The following CACNA1C variants were observed in gnomAD, a reference collection of about 807,000 sequenced individuals.
CACNA1C encodes voltage-dependent L-type calcium channel subunit alpha-1C.
Under a neutral mutation model 229.0 loss-of-function variants are expected in CACNA1C, and 30 were observed. The ratio of observed to expected loss-of-function variants is 0.13; its 90% CI spans 0.10 to 0.18. The LOEUF is 0.18. Ranked by LOEUF, CACNA1C falls within the 10% of genes least tolerant of loss-of-function variation. The pLI, the probability that CACNA1C is intolerant of heterozygous loss-of-function variation, is 1.00. For missense variants in CACNA1C, 1,658 were observed against 2,845.0 expected (o/e 0.58, Z 9.49); for synonymous variants, 1,114 against 1,132.5 (o/e 0.98, Z 0.33).
intron 7 of CACNA1C, among the ~76,000 whole-genome samples, chr12:2,500,014 A>G (rs939648188): frequency 2.0e-5 from 3 of 149,704 alleles, no homozygotes; most frequent in Non-Finnish European, 4.5e-5. Context: ...TTCCTTTCAG[A>G]CCAGAGCCAG....
chr12:2,418,861 G>T (rs915475462), intron 3 of CACNA1C, among the ~76,000 whole-genome samples: 1 of 152,152 alleles, frequency 6.6e-6, no homozygotes, highest in South Asian at 2.1e-4. Flanking sequence ...CAGCTCCACT[G>T]CTTGTAGAGG....
intron 11 of CACNA1C, among the ~76,000 whole-genome samples, chr12:2,565,282 C>T (rs1282853345): frequency 1.3e-5 from 2 of 151,580 alleles, no homozygotes; most frequent in Non-Finnish European, 2.9e-5. Flanking sequence ...TCCTGGCTAA[C>T]AAGGTGAAAC....
At chr12:2,156,280 A>G (rs2095550225) in intron 3 of CACNA1C, among the ~76,000 whole-genome samples, 1 of 152,252 alleles carries the variant, frequency 6.6e-6, no homozygotes, top group South Asian at 2.1e-4. Context: ...AAAATATGTC[A>G]TATGTACCTT....
intron 3 of CACNA1C, among the ~76,000 whole-genome samples, chr12:2,417,401 G>A (rs966789652): frequency 6.6e-5 from 10 of 152,188 alleles, no homozygotes; most frequent in Non-Finnish European, 1.5e-4. Flanking sequence ...GGCTGACAGT[G>A]CTTGTGGGTG....
chr12:2,525,982 G>C (rs934048065), intron 9 of CACNA1C, among the ~76,000 whole-genome samples: 5 of 152,164 alleles, frequency 3.3e-5, no homozygotes, highest in Non-Finnish European at 7.3e-5. Context: ...TGAAAAGGGT[G>C]GTCTGTTGGG....
At chr12:2,344,191 T>G (rs2096940439) in intron 3 of CACNA1C, among the ~76,000 whole-genome samples, 1 of 152,204 alleles carries the variant, frequency 6.6e-6, no homozygotes, top group Non-Finnish European at 1.5e-5. Flanking sequence ...CATCATGCTT[T>G]TAAGGCCGAT....
intron 3 of CACNA1C, among the ~76,000 whole-genome samples, chr12:2,435,537 G>A (rs946425728): frequency 3.3e-5 from 5 of 152,162 alleles, no homozygotes; most frequent in Admixed American, 2.0e-4. Context: ...CACATGGTCC[G>A]GGCAGGGGGA....
chr12:1,974,049 C>T (rs2033470888), intron 1 of CACNA1C, among the ~76,000 whole-genome samples: 1 of 152,146 alleles, frequency 6.6e-6, no homozygotes, highest in Admixed American at 6.5e-5. Context: ...CTGTTCCCTC[C>T]ACTAGACTAT....
chr12:2,383,322 G>A (rs955554849), intron 3 of CACNA1C, among the ~76,000 whole-genome samples: 4 of 152,156 alleles, frequency 2.6e-5, no homozygotes, highest in African/African-American at 9.6e-5. Flanking sequence ...TAGGGGCCTG[G>A]AATTTCCCCC....
chr12:2,637,782 T>C (rs777862938), intron 30 of CACNA1C, among the ~76,000 whole-genome samples: 14 of 152,212 alleles, frequency 9.2e-5, no homozygotes, highest in Non-Finnish European at 1.8e-4. Context: ...AAGACATATA[T>C]TCCCAGGGAT....
At chr12:2,446,223 ATGGATGGATGGG>A (rs2099277238) in intron 3 of CACNA1C, among the ~76,000 whole-genome samples, 1 of 138,736 alleles carries the variant, frequency 7.2e-6, no homozygotes, top group African/African-American at 2.7e-5. Flanking sequence ...GGATGGATGG[ATGGATGGATGGG>A]TAGGTGGGTG....
chr12:2,143,038 C>T (rs1341530799), intron 3 of CACNA1C, among the ~76,000 whole-genome samples: 1 of 150,548 alleles, frequency 6.6e-6, no homozygotes, highest in African/African-American at 2.4e-5. Flanking sequence ...TGCAATGGTG[C>T]TATCTTGGCT....
intron 1 of CACNA1C, among the ~76,000 whole-genome samples, chr12:2,068,481 C>T (rs1448020114): frequency 6.6e-6 from 1 of 152,196 alleles, no homozygotes. Flanking sequence ...GGCCAGAGCC[C>T]CTGCATCCAT....
At chr12:2,048,112 C>T (rs994000396), upstream of CACNA1C, among the ~76,000 whole-genome samples, 7 of 152,170 alleles carry the variant, frequency 4.6e-5, no homozygotes, top group Non-Finnish European at 7.3e-5. Flanking sequence ...TGACAATGAG[C>T]GCATGCTGCT....
intron 3 of CACNA1C, among the ~76,000 whole-genome samples, chr12:2,239,049 G>A (rs1375476666): frequency 1.3e-5 from 2 of 152,192 alleles, no homozygotes; most frequent in African/African-American, 4.8e-5. Flanking sequence ...TTTAGCTAGC[G>A]TCATGCCTGT....
At chr12:2,408,004 T>A (rs1352068340) in intron 3 of CACNA1C, among the ~76,000 whole-genome samples, 1 of 152,222 alleles carries the variant, frequency 6.6e-6, no homozygotes, top group African/African-American at 2.4e-5. Context: ...ACGTCCATCC[T>A]CATCAGGCTG....
At position 2,585,812 on chromosome 12, in the gene CACNA1C, C is replaced by A; in HGVS notation, c.2461-23C>A. The A allele has an allele frequency of 6.4e-7, 1 of 1,570,752 alleles. No individual in the cohort carries two copies. The highest frequency in any genetic ancestry group is 1.4e-5 in the African/African-American group (1 of 73,982). On this transcript the variant is annotated intron_variant, in intron 17 of 46. Transcript: ENST00000399655. This position sits in a 1 kb window ranked among gnomAD's most constrained non-coding sequence, Gnocchi z 4.1. ...GGGGACGTATCTAACTATTCTTCCC[C>A]CTTCTCCCCTGTGACTGTCTAGATC... is the stretch of plus-strand genomic sequence containing the variant.
chr12:2,474,252 A>T (rs1418500854), intron 5 of CACNA1C, among the ~76,000 whole-genome samples: 2 of 152,186 alleles, frequency 1.3e-5, no homozygotes, highest in Admixed American at 1.3e-4. Context: ...GTTTGGCCTT[A>T]TTATCAAGTA....
At chr12:2,539,059 C>A (rs1034669502) in intron 9 of CACNA1C, among the ~76,000 whole-genome samples, 1 of 152,248 alleles carries the variant, frequency 6.6e-6, no homozygotes, top group Non-Finnish European at 1.5e-5. Flanking sequence ...CATTTACTAG[C>A]TCTCCCCTTG....
Sources: allele counts gnomAD v4.1 joint callset (sites outside exome capture counted in the v4.1 genomes callset), GRCh38; gene constraint gnomAD v4.1.1; non-coding constraint Gnocchi (gnomAD v3.1); transcripts MANE v1.5; gene names NCBI Gene and HGNC (gene_info 2026-07-23, HGNC 2026-07-21).